The following DGKI variants were observed in gnomAD, a reference collection of about 807,000 sequenced individuals.
DGKI encodes the protein diacylglycerol kinase iota, also known as DAG kinase iota.
DGKI carries 55 observed loss-of-function variants against 147.5 expected under a neutral mutation model. The ratio of observed to expected loss-of-function variants is 0.37; its 90% CI spans 0.30 to 0.47. The LOEUF (loss-of-function observed/expected upper bound fraction) is 0.47. DGKI is among the 20% of genes least tolerant of loss of function. The probability of loss-of-function intolerance (pLI) is 1.00; values close to 1 mark genes in which losing one functional copy is unlikely to be tolerated. For missense variants in DGKI, 1,007 were observed against 1,323.8 expected (o/e 0.76, Z 3.71); for synonymous variants, 469 against 477.1 (o/e 0.98, Z 0.22).
chr7:137,722,058 T>A, intron 1 of DGKI: 1 of 1,596,458 alleles, frequency 6.3e-7, no homozygotes, highest in South Asian at 1.1e-5. Context: ...CTGATGCTGG[T>A]GGCAAGGTGA....
At chr7:137,503,614 T>C (rs568184775) in intron 21 of DGKI, among the ~76,000 whole-genome samples, 2 of 152,320 alleles carry the variant, frequency 1.3e-5, no homozygotes, top group East Asian at 3.9e-4. Context: ...TCTCATACCA[T>C]TCATTTTAAT....
At position 137,381,504 on chromosome 7, in the gene DGKI, A is replaced by T. The variant is rs1279484395; in HGVS notation, c.*9716T>A. On this transcript the variant is annotated 3_prime_UTR_variant, in exon 33 of 33. Coordinates refer to ENST00000614521, the MANE Select transcript of DGKI (RefSeq NM_001321708.2). ...TTATAATGTGACTGCAACTCTTCATACAGATGTAGCCTTTGCGAGTGGAAT... is the reference window on the plus strand; with the variant it reads ...TTATAATGTGACTGCAACTCTTCATTCAGATGTAGCCTTTGCGAGTGGAAT... The T allele has an allele frequency of 6.6e-6, 1 of 151,724 alleles. No homozygotes were observed. The highest frequency in any genetic ancestry group is 1.5e-5 in the Non-Finnish European group (1 of 67,948). 9.4% of individuals were successfully genotyped at this position (151,724 alleles called of 1,614,324 possible).
At position 137,524,350 on chromosome 7, in the gene DGKI, T is replaced by C. The variant is rs558179405; in HGVS notation, c.2148-2384A>G. On this transcript the variant is annotated intron_variant, in intron 20 of 32. Coordinates refer to ENST00000614521, the MANE Select transcript of DGKI (RefSeq NM_001321708.2). The stretch of plus-strand genomic sequence containing the variant: ...GTTGCAAGTTGTTATCTCTGTGTGG[T>C]GAAACCTGGGCATTATTTTATATCA... Among the ~76,000 whole-genome samples the C allele has an allele frequency of 3.3e-5, 5 of 152,270 alleles. No individual in the cohort carries two copies. The South Asian group carries it at 8.3e-4, about 25-fold the overall frequency.
Position 137,602,709 on chromosome 7 carries a change from G to T in DGKI, c.1168-2804C>A, listed in dbSNP as rs1376831298. On this transcript the variant is annotated intron_variant, in intron 10 of 32. Transcript: ENST00000614521. The stretch of plus-strand genomic sequence containing the variant: ...ATAATTTATTAAATGTAACTGAATG[G>T]TTTGACAAATATTAATTCACCAGGA... Among the ~76,000 whole-genome samples the T allele has an allele frequency of 1.5e-4, 23 of 152,036 alleles. 1 individual carries two copies. Among genetic ancestry groups the T allele is most frequent in the Admixed American group, 1.4e-3 (22 of 15,264 alleles).
rs1405753452 is a variant in DGKI at position 137,638,510 on chromosome 7, ATGTG to A, written c.804+6958_804+6961del. On this transcript the variant is annotated intron_variant, in intron 6 of 32. Coordinates refer to ENST00000614521, the MANE Select transcript of DGKI (RefSeq NM_001321708.2). ...TATACACACATATATATGTATATAT[ATGTG>A]TGTATATATATACACACACATATAT... Among the ~76,000 whole-genome samples, 11 of 116,490 alleles carry A rather than the reference ATGTG, an allele frequency of 9.4e-5. No homozygotes were observed. In the East Asian group the frequency reaches 2.8e-3, roughly 29 times the overall value. The allele number at this position is 116,490 out of a possible 152,430, so 76.4% of individuals were successfully genotyped here. A position where few individuals can be genotyped will look rare whatever the true frequency, so the allele number is the denominator to read the frequency against.
At chr7:137,403,850 A>G (rs927555263) in intron 30 of DGKI, among the ~76,000 whole-genome samples, 17 of 150,350 alleles carry the variant, frequency 1.1e-4, no homozygotes, top group Admixed American at 9.3e-4. Context: ...TTTATTTGTT[A>G]TTTTTTTTTT....
At chr7:137,638,644 G>GTA (rs1563126077) in intron 6 of DGKI, among the ~76,000 whole-genome samples, 106 of 2,664 alleles carry the variant, frequency 0.04, 20 homozygotes, top group African/African-American at 0.22. Flanking sequence ...GTATATATGT[G>GTA]TATGTATATA....
At chr7:137,510,079 G>T (rs1395837530) in intron 21 of DGKI, among the ~76,000 whole-genome samples, 1 of 152,324 alleles carries the variant, frequency 6.6e-6, no homozygotes, top group Non-Finnish European at 1.5e-5. Context: ...TGCGGTTCAC[G>T]CATTGACCGT....
chr7:137,411,120 T>C (rs1242750063), intron 29 of DGKI, among the ~76,000 whole-genome samples: 1 of 152,198 alleles, frequency 6.6e-6, no homozygotes, highest in Non-Finnish European at 1.5e-5. Context: ...TGTTCAGCTT[T>C]CTCTTAGGGC....
At position 137,419,768 on chromosome 7, in the gene DGKI, C is replaced by T. The variant is rs552246318; in HGVS notation, c.2762-7561G>A. ...TTTCTAAAGACCTCTGCATTTTTAT[C>T]TAGGCCTAGAGGACTTTTTCACAAT... On this transcript the variant is annotated intron_variant, in intron 28 of 32. Transcript: ENST00000614521. Among the ~76,000 whole-genome samples, 32 of 152,266 alleles carry T rather than the reference C, an allele frequency of 2.1e-4. No individual in the cohort carries two copies. In the South Asian group the frequency reaches 5.0e-3, roughly 24 times the overall value.
chr7:137,636,294 A>G (rs192064793), intron 6 of DGKI, among the ~76,000 whole-genome samples: 203 of 152,308 alleles, frequency 1.3e-3, no homozygotes, highest in African/African-American at 4.5e-3. Context: ...ATCCAGGATA[A>G]GTGGTTGAGG....
At chr7:137,439,312 C>T (rs768461940) in intron 28 of DGKI, among the ~76,000 whole-genome samples, 1 of 152,060 alleles carries the variant, frequency 6.6e-6, no homozygotes, top group Non-Finnish European at 1.5e-5. Flanking sequence ...TCTCATGTTG[C>T]TAATAAAGAC....
chr7:137,696,230 C>A (rs1823776531), intron 1 of DGKI, among the ~76,000 whole-genome samples: 1 of 152,150 alleles, frequency 6.6e-6, no homozygotes, highest in Non-Finnish European at 1.5e-5. Context: ...ATTTCCTCTT[C>A]TAGTCAGTAA....
intron 23 of DGKI, among the ~76,000 whole-genome samples, chr7:137,471,907 T>C (rs1264544227): frequency 1.4e-5 from 2 of 144,682 alleles, no homozygotes; most frequent in Non-Finnish European, 3.0e-5. Flanking sequence ...AGTCTCTCTC[T>C]TGCTCTCTAT....
At chr7:137,531,425 A>G (rs1318539725) in intron 20 of DGKI, among the ~76,000 whole-genome samples, 1 of 152,214 alleles carries the variant, frequency 6.6e-6, no homozygotes, top group African/African-American at 2.4e-5. Flanking sequence ...AATCAATGGT[A>G]CTAAATGGAA....
At chr7:137,814,988 T>C (rs1797698408) in intron 1 of DGKI, among the ~76,000 whole-genome samples, 1 of 152,120 alleles carries the variant, frequency 6.6e-6, no homozygotes, top group East Asian at 1.9e-4. Flanking sequence ...CTTGGCTAAC[T>C]TGAATCCTGC....
At chr7:137,574,480 A>C (rs538936035) in intron 17 of DGKI, among the ~76,000 whole-genome samples, 66 of 152,348 alleles carry the variant, frequency 4.3e-4, no homozygotes, top group African/African-American at 1.4e-3. Context: ...GTTGCATTGC[A>C]GAAAGATTAT....
intron 6 of DGKI, among the ~76,000 whole-genome samples, chr7:137,624,127 G>A (rs1312422796): frequency 6.6e-6 from 1 of 152,190 alleles, no homozygotes; most frequent in African/African-American, 2.4e-5. Context: ...TTACCAGGAA[G>A]CAACGATGAA....
rs775501000 is a variant in DGKI, at chr7:137,423,369, T to C, written c.2762-11162A>G. On this transcript the variant is annotated intron_variant, in intron 28 of 32. Coordinates refer to ENST00000614521, the MANE Select transcript of DGKI (RefSeq NM_001321708.2). ...GTCCCTGAACTCACTGGATGTGTTT[T>C]AGCAGTGTCCTTCAAGGCCTCTGAA... is the stretch of plus-strand genomic sequence containing the variant. 1.5e-4 allele frequency among the ~76,000 whole-genome samples: 23 copies of C among 152,298 alleles called. No homozygotes were observed. The Middle Eastern group carries it at 0.017, about 113-fold the overall frequency.
Sources: allele counts gnomAD v4.1 joint callset (sites outside exome capture counted in the v4.1 genomes callset), GRCh38; gene constraint gnomAD v4.1.1; transcripts MANE v1.5; gene names NCBI Gene and HGNC (gene_info 2026-07-23, HGNC 2026-07-21).